UTY: variants seen among roughly 807,000 people sequenced by gnomAD.
The protein encoded by UTY is ubiquitously transcribed tetratricopeptide repeat containing, Y-linked, also known as histone demethylase UTY.
A neutral mutation model predicts 32.5 loss-of-function variants in UTY; 12 were observed. The observed-to-expected ratio is 0.37, with a 90% CI of 0.24 to 0.60. The LOEUF (loss-of-function observed/expected upper bound fraction) is 0.60. Ranked by LOEUF, UTY falls within the 20% of genes least tolerant of loss-of-function variation. The pLI is 0.69. For synonymous variants in UTY, 131 were observed against 103.4 expected, an observed-to-expected ratio of 1.27 and a Z score of -1.62; for missense variants, 303 against 299.2, an observed-to-expected ratio of 1.01 and a Z score of -0.09.
downstream of UTY, among the ~76,000 whole-genome samples, chrY:13,244,227 C>T (rs2053929720): frequency 3.0e-5 from 1 of 32,860 alleles, no homozygotes; most frequent in East Asian, 7.9e-4. Flanking sequence ...ATGATAGTTA[C>T]CAGAGGCTGA....
chrY:13,460,363 T>A, intron 3 of UTY, among the ~76,000 whole-genome samples: 1 of 33,478 alleles, frequency 3.0e-5, no homozygotes, highest in Non-Finnish European at 7.4e-5. Flanking sequence ...AAAGGTGCCA[T>A]GTCATTTTTT....
intron 21 of UTY, 133 bp downstream of exon 21, chrY:13,323,422 A>G: frequency 6.7e-6 from 1 of 149,288 alleles, no homozygotes; most frequent in Non-Finnish European, 1.2e-5. Flanking sequence ...ATAATAAAAT[A>G]AAATAAAAGT....
chrY:13,417,056 C>T (rs901567883), intron 4 of UTY, among the ~76,000 whole-genome samples: 15 of 34,174 alleles, frequency 4.4e-4, no homozygotes, highest in African/African-American at 1.7e-3. Flanking sequence ...ATGCTTGTCA[C>T]ATTAGCACAT....
At position 13,357,037 on chromosome Y, in the gene UTY, C is replaced by A. The variant is rs768199278; in HGVS notation, c.1569+840G>T. On this transcript the variant is annotated intron_variant, in intron 15 of 29. Coordinates refer to ENST00000545955, the MANE Select transcript of UTY (RefSeq NM_001258249.2). ...GATCTGTTTAAATAACAGATTTGCCCCACCCATGCAATCATAAATCAAAGA... is the reference window on the plus strand; with the variant it reads ...GATCTGTTTAAATAACAGATTTGCCACACCCATGCAATCATAAATCAAAGA... Among the ~76,000 whole-genome samples, 7 of 31,964 alleles carry A rather than the reference C, an allele frequency of 2.2e-4. No homozygotes were observed. In the South Asian group the frequency reaches 4.9e-3, roughly 22 times the overall value. The allele number at this position is 31,964 out of a possible 37,273, so 85.8% of individuals were successfully genotyped here.
chrY:13,346,382 C>G (rs2061901953), intron 17 of UTY, among the ~76,000 whole-genome samples: 1 of 33,642 alleles, frequency 3.0e-5, no homozygotes, highest in Non-Finnish European at 7.4e-5. Context: ...AGGTTTTATA[C>G]ATCTTTCAAT....
chrY:13,273,775 T>C (rs2056446804), intron 27 of UTY, among the ~76,000 whole-genome samples: 1 of 31,581 alleles, frequency 3.2e-5, no homozygotes, highest in African/African-American at 1.2e-4. Context: ...TAAACATTTT[T>C]ATCACAGCAA....
At chrY:13,465,830 G>C in intron 3 of UTY, among the ~76,000 whole-genome samples, 1 of 33,208 alleles carries the variant, frequency 3.0e-5, no homozygotes, top group African/African-American at 1.2e-4. Flanking sequence ...CTAAACAGTT[G>C]AAAGAACACA....
intron 21 of UTY, among the ~76,000 whole-genome samples, chrY:13,321,109 G>A (rs2059788876): frequency 3.0e-5 from 1 of 33,000 alleles, no homozygotes; most frequent in African/African-American, 1.2e-4. Context: ...ACAAAGTTCC[G>A]TCAAAGCCAA....
At chrY:13,356,123 G>A in intron 15 of UTY, 105 bp from the exon 16 acceptor site, 1 of 162,191 alleles carries the variant, frequency 6.2e-6, no homozygotes, top group Non-Finnish European at 1.1e-5. Flanking sequence ...CAGGATGAAA[G>A]ACAGTGATTC....
At chrY:13,253,046 C>T (rs958610353) in intron 28 of UTY, among the ~76,000 whole-genome samples, 2 of 32,893 alleles carry the variant, frequency 6.1e-5, no homozygotes, top group Non-Finnish European at 1.5e-4. Context: ...AAGTGGTGCC[C>T]ATTCGTGGGG....
At chrY:13,377,190 ATCT>A (rs2065474212) in intron 8 of UTY, among the ~76,000 whole-genome samples, 1 of 33,560 alleles carries the variant, frequency 3.0e-5, no homozygotes, top group Non-Finnish European at 7.4e-5. Flanking sequence ...AGAGAACATA[ATCT>A]TCTGTTACAA....
chrY:13,479,718 T>C lies in UTY; in HGVS notation c.-53A>G. The C allele has an allele frequency of 2.7e-6, 1 of 376,776 alleles. No homozygotes were observed. Among genetic ancestry groups the C allele is most frequent in the Non-Finnish European group, 3.7e-6 (1 of 269,651 alleles). 94.0% of individuals were successfully genotyped at this position (376,776 alleles called of 400,897 possible). On this transcript the variant is annotated 5_prime_UTR_variant, in exon 1 of 30. Transcript: ENST00000545955. ...ACGATACCCAACCTTAATCGAGTAG[T>C]TGAAAAGACGCCTTCAATCGCTGCT...
In UTY at chrY:13,355,926, C is replaced by T; in HGVS notation, c.1662G>A (p.Gln554=). The change falls in exon 16 of 30, where the codon CAG becomes CAA. Residue 554 remains glutamine (Q), a synonymous_variant. Transcript: ENST00000545955. The part of the protein sequence containing the change: ...EQLESQFVLM[Q]QMRHKEVAQV... Reference sequence around the variant, plus strand: ...AAAATAAAAATATTATACATACTTGCTGCATTAAGACAAACTGACTTTCTA... The same window carrying T: ...AAAATAAAAATATTATACATACTTGTTGCATTAAGACAAACTGACTTTCTA... The T allele has an allele frequency of 1.6e-5, 6 of 381,482 alleles. No individual in the cohort carries two copies. Among genetic ancestry groups the T allele is most frequent in the Non-Finnish European group, 2.2e-5 (6 of 273,342 alleles).
At chrY:13,340,603 G>A (rs2061419309) in intron 17 of UTY, among the ~76,000 whole-genome samples, 1 of 33,146 alleles carries the variant, frequency 3.0e-5, no homozygotes, top group Non-Finnish European at 7.4e-5. Flanking sequence ...CAAGAAACAC[G>A]GGGACAAATT....
chrY:13,243,020 T>C (rs112868661), intron 28 of UTY, among the ~76,000 whole-genome samples: 264 of 32,200 alleles, frequency 8.2e-3, no homozygotes, highest in African/African-American at 0.03. Context: ...GAAGATCACT[T>C]GAACAGCAGT....
intron 11 of UTY, 48 bp from the exon 12 acceptor site, chrY:13,360,034 G>A (rs1330246146): frequency 8.6e-6 from 3 of 347,021 alleles, no homozygotes; most frequent in South Asian, 6.5e-5. Context: ...ACTTTCGTTC[G>A]TTTATTTTTC....
chrY:13,402,036 G>A, intron 6 of UTY, among the ~76,000 whole-genome samples: 4 of 33,145 alleles, frequency 1.2e-4, no homozygotes, highest in Admixed American at 2.7e-4. Flanking sequence ...TGGATGCTAC[G>A]GTAAAATTAC....
At position 13,358,519 on chromosome Y, in the gene UTY, T is replaced by G; in HGVS notation, c.1421A>C (p.Gln474Pro). Residue 474 changes from glutamine (Q) to proline (P), a missense_variant, in exon 14 of 30, where the codon CAA (glutamine) becomes CCA (proline). Physicochemically the swap from Gln to Pro is moderately conservative, Grantham distance 76. Transcript: ENST00000545955. Reference sequence around the variant, plus strand: ...GGCAGGACTGGACAGGCCTTCTACTTGGCTAGAAGTAATCATGTGTAGTGA... The same window carrying G: ...GGCAGGACTGGACAGGCCTTCTACTGGGCTAGAAGTAATCATGTGTAGTGA... ...SLSLHMITSS[Q>P]VEGLSSPAKK... is the part of the protein sequence containing the mutation. 2.6e-6 allele frequency: 1 copy of G among 378,366 alleles called. No individual in the cohort carries two copies. Among genetic ancestry groups the G allele is most frequent in the Non-Finnish European group, 3.7e-6 (1 of 272,671 alleles). The allele number at this position is 378,366 out of a possible 400,897, so 94.4% of individuals were successfully genotyped here.
At chrY:13,257,816 A>G (rs993186589) in intron 28 of UTY, among the ~76,000 whole-genome samples, 1 of 32,384 alleles carries the variant, frequency 3.1e-5, no homozygotes, top group Non-Finnish European at 7.6e-5. Context: ...GAGGACCCCA[A>G]CTGTCATGAG....
Sources: gnomAD v4.1 joint callset for allele counts (sites outside exome capture counted in the v4.1 genomes callset) on GRCh38, gnomAD v4.1.1 for gene constraint, MANE v1.5 for transcripts, NCBI Gene and HGNC (gene_info 2026-07-23, HGNC 2026-07-21) for gene names.